GFOD1: variants seen among roughly 807,000 people sequenced by gnomAD.
GFOD1 encodes glucose-fructose oxidoreductase domain-containing protein 1.
GFOD1 carries 9 observed loss-of-function variants against 25.4 expected under a neutral mutation model. The observed-to-expected ratio is 0.35, with a 90% CI of 0.21 to 0.62. The LOEUF is 0.62. Ranked by LOEUF, GFOD1 falls within the 20% of genes least tolerant of loss-of-function variation. The pLI, the probability that GFOD1 is intolerant of heterozygous loss-of-function variation, is 0.72. For missense variants in GFOD1, 403 were observed against 556.9 expected (o/e 0.72, Z 2.78); for synonymous variants, 253 against 245.6 (o/e 1.03, Z -0.28).
chr6:13,479,248 T>C (rs1446656851), intron 1 of GFOD1, among the ~76,000 whole-genome samples: 1 of 152,160 alleles, frequency 6.6e-6, no homozygotes, highest in Admixed American at 6.5e-5. Context: ...TAAAAACTAC[T>C]GTTTATTGAG....
intron 1 of GFOD1, chr6:13,469,679 C>G: frequency 8.5e-7 from 1 of 1,172,672 alleles, no homozygotes; most frequent in African/African-American, 1.6e-5. Flanking sequence ...AGTTATCTTA[C>G]TACCAAGAAA....
At chr6:13,427,068 G>A (rs1010627911) in intron 1 of GFOD1, among the ~76,000 whole-genome samples, 3 of 152,166 alleles carry the variant, frequency 2.0e-5, no homozygotes, top group Non-Finnish European at 4.4e-5. Flanking sequence ...CAGTGGCTCC[G>A]AAGTTGTGTG....
At chr6:13,450,853 A>G (rs527588024) in intron 1 of GFOD1, among the ~76,000 whole-genome samples, 4 of 152,258 alleles carry the variant, frequency 2.6e-5, no homozygotes, top group African/African-American at 4.8e-5. Context: ...TTATCAGTTA[A>G]GTTGCCAGAC....
intron 1 of GFOD1, among the ~76,000 whole-genome samples, chr6:13,402,039 C>T (rs1232663017): frequency 6.6e-6 from 1 of 152,174 alleles, no homozygotes; most frequent in Non-Finnish European, 1.5e-5. Context: ...TAAATTTTAT[C>T]TTACGATCAA....
chr6:13,390,234 A>G (rs1004415841), intron 1 of GFOD1, among the ~76,000 whole-genome samples: 2 of 152,188 alleles, frequency 1.3e-5, no homozygotes, highest in Non-Finnish European at 2.9e-5. Context: ...TGTAAACTCT[A>G]TTACAGTGAG....
intron 1 of GFOD1, among the ~76,000 whole-genome samples, chr6:13,393,220 C>T (rs558085341): frequency 6.6e-6 from 1 of 151,666 alleles, no homozygotes; most frequent in African/African-American, 2.4e-5. Context: ...GCTGGGCGTG[C>T]TAGTGCATGC....
intron 1 of GFOD1, among the ~76,000 whole-genome samples, chr6:13,427,809 C>T (rs1550520): frequency 0.58 from 88,646 of 152,098 alleles, 29,832 homozygotes; most frequent in Non-Finnish European, 0.74. Context: ...TAGACTTGTA[C>T]GTAATTCCTG....
chr6:13,474,456 C>T (rs1402694042), intron 1 of GFOD1, among the ~76,000 whole-genome samples: 1 of 152,148 alleles, frequency 6.6e-6, no homozygotes, highest in Admixed American at 6.5e-5. Context: ...TAGACTGGCA[C>T]TGGGAAGCTT....
intron 1 of GFOD1, among the ~76,000 whole-genome samples, chr6:13,382,780 C>G (rs996707156): frequency 6.6e-6 from 1 of 152,174 alleles, no homozygotes; most frequent in Non-Finnish European, 1.5e-5. Flanking sequence ...GTATTAAGCC[C>G]AGCATGCATT....
At chr6:13,442,087 C>T (rs554784417) in intron 1 of GFOD1, among the ~76,000 whole-genome samples, 122 of 152,286 alleles carry the variant, frequency 8.0e-4, no homozygotes, top group Non-Finnish European at 9.7e-4. Flanking sequence ...CAGGCAGACA[C>T]GGAGAGAGCA....
rs1784997983 is a variant in GFOD1 at position 13,364,359 on chromosome 6, CCTTGCAGAACCACTTGG to C, written c.*367_*383del. On this transcript the variant is annotated 3_prime_UTR_variant, in exon 2 of 2. Transcript: ENST00000379287. This position sits in a 1 kb window ranked among gnomAD's most constrained non-coding sequence, Gnocchi z 4.1. Reference sequence around the variant, plus strand: ...TTGCCATCTGATACTAGTGCCTTGACCTTGCAGAACCACTTGGCTTGCAGAAGGCCAAGGTGTGTGGG... The same window carrying C: ...TTGCCATCTGATACTAGTGCCTTGACCTTGCAGAAGGCCAAGGTGTGTGGG... 4.8e-6 allele frequency: 1 copy of C among 208,138 alleles called. No homozygotes were observed. The highest frequency in any genetic ancestry group is 2.3e-5 in the African/African-American group (1 of 43,636). 12.9% of individuals were successfully genotyped at this position (208,138 alleles called of 1,614,324 possible). A position where few individuals can be genotyped will look rare whatever the true frequency, so the allele number is the denominator to read the frequency against.
intron 1 of GFOD1, among the ~76,000 whole-genome samples, chr6:13,439,128 C>T (rs775377666): frequency 2.0e-5 from 3 of 152,176 alleles, no homozygotes; most frequent in Non-Finnish European, 2.9e-5. Context: ...ATTCCCCAAA[C>T]CTTCCTCACA....
intron 1 of GFOD1, among the ~76,000 whole-genome samples, chr6:13,452,891 G>C (rs1758123282): frequency 6.6e-6 from 1 of 152,202 alleles, no homozygotes; most frequent in Non-Finnish European, 1.5e-5. Flanking sequence ...TTCCTTGGCT[G>C]TAAAATATCT....
chr6:13,456,799 T>C (rs1186975961), intron 1 of GFOD1, among the ~76,000 whole-genome samples: 1 of 152,184 alleles, frequency 6.6e-6, no homozygotes. Flanking sequence ...CTGAGCCTCC[T>C]GGGAATGAAA....
intron 1 of GFOD1, among the ~76,000 whole-genome samples, chr6:13,377,467 G>A (rs1785277875): frequency 6.6e-6 from 1 of 152,164 alleles, no homozygotes; most frequent in Non-Finnish European, 1.5e-5. Flanking sequence ...CTTGCTGGCT[G>A]TCAGCTTCTA....
At chr6:13,478,969 C>G (rs1453966165) in intron 1 of GFOD1, among the ~76,000 whole-genome samples, 2 of 151,566 alleles carry the variant, frequency 1.3e-5, no homozygotes, top group Non-Finnish European at 2.9e-5. Flanking sequence ...GTAACCCCAT[C>G]AGTACCTTTG....
rs75438588 is a variant in GFOD1, at chr6:13,380,089, T to G, written c.254-14427A>C. Among the ~76,000 whole-genome samples, 1,470 of 152,292 alleles carry G rather than the reference T, an allele frequency of 9.7e-3. 26 individuals are homozygous for G. The highest frequency in any genetic ancestry group is 0.034 in the African/African-American group (1,396 of 41,560). On this transcript the variant is annotated intron_variant, in intron 1 of 1. Transcript: ENST00000379287. ...GTCAATAACAGACCCAAATAAAAACTACACAGGTCAGCTCTTAGAGCTGCA... is the reference window on the plus strand; with the variant it reads ...GTCAATAACAGACCCAAATAAAAACGACACAGGTCAGCTCTTAGAGCTGCA...
chr6:13,450,147 C>T (rs580566), intron 1 of GFOD1, among the ~76,000 whole-genome samples: 148,782 of 152,238 alleles, frequency 0.98, 72,798 homozygotes, highest in East Asian at 1. Flanking sequence ...GATTTTTTAC[C>T]CCTAGACCAC....
At chr6:13,400,361 C>A (rs1386110980) in intron 1 of GFOD1, among the ~76,000 whole-genome samples, 1 of 151,946 alleles carries the variant, frequency 6.6e-6, no homozygotes, top group Non-Finnish European at 1.5e-5. Context: ...GTGGTTACCA[C>A]TGCGGAAGCC....
Sources: gnomAD v4.1 joint callset for allele counts (sites outside exome capture counted in the v4.1 genomes callset) on GRCh38, gnomAD v4.1.1 for gene constraint, Gnocchi (gnomAD v3.1) non-coding constraint, MANE v1.5 for transcripts, NCBI Gene and HGNC (gene_info 2026-07-23, HGNC 2026-07-21) for gene names.